RUNX2: variants seen among roughly 807,000 people sequenced by gnomAD.
The protein encoded by RUNX2 is RUNX family transcription factor 2.
In RUNX2, 10 loss-of-function variants were observed where a neutral mutation model predicts 51.7. The observed-to-expected ratio is 0.19, with a 90% CI of 0.12 to 0.33. The LOEUF is 0.33. RUNX2 is among the 10% of genes least tolerant of loss of function. The pLI is 1.00. For missense variants in RUNX2, 562 were observed against 691.3 expected (o/e 0.81, Z 2.10); for synonymous variants, 276 against 273.6 (o/e 1.01, Z -0.09).
At chr6:45,396,992 A>G (rs1173732874) in intron 2 of RUNX2, among the ~76,000 whole-genome samples, 2 of 152,132 alleles carry the variant, frequency 1.3e-5, no homozygotes, top group African/African-American at 4.8e-5. Flanking sequence ...ACTTTGTCCA[A>G]ATTTTTGTGT....
chr6:45,344,656 G>C (rs1365247475), intron 2 of RUNX2, among the ~76,000 whole-genome samples: 2 of 152,060 alleles, frequency 1.3e-5, no homozygotes, highest in Non-Finnish European at 2.9e-5. Context: ...AATGTCAAAA[G>C]CATGTTAACT....
intron 5 of RUNX2, among the ~76,000 whole-genome samples, chr6:45,445,714 TC>T (rs1798975193): frequency 6.6e-6 from 1 of 152,026 alleles, no homozygotes; most frequent in African/African-American, 2.4e-5. Flanking sequence ...TAGATATTAA[TC>T]ACTTGGCTAC....
intron 5 of RUNX2, among the ~76,000 whole-genome samples, chr6:45,470,409 T>A (rs925150014): frequency 6.6e-6 from 1 of 152,208 alleles, no homozygotes; most frequent in Admixed American, 6.5e-5. Flanking sequence ...CAGCTCTTCT[T>A]GTAGTTTGAG....
chr6:45,436,896 G>A (rs941857888), intron 4 of RUNX2, among the ~76,000 whole-genome samples: 1 of 152,184 alleles, frequency 6.6e-6, no homozygotes, highest in African/African-American at 2.4e-5. Flanking sequence ...GCTTTTTAAA[G>A]GTCTGTTACA....
intron 5 of RUNX2, among the ~76,000 whole-genome samples, chr6:45,457,748 G>A (rs1249117818): frequency 1.3e-5 from 2 of 152,154 alleles, no homozygotes; most frequent in South Asian, 2.1e-4. Flanking sequence ...ACTAGGTTGG[G>A]GAGGCTGGCC....
intron 2 of RUNX2, among the ~76,000 whole-genome samples, chr6:45,419,089 TC>T (rs779204234): frequency 3.9e-5 from 6 of 152,214 alleles, no homozygotes; most frequent in Non-Finnish European, 8.8e-5. Context: ...GGAGGAAAAG[TC>T]CCCAAGGTAA....
intron 2 of RUNX2, among the ~76,000 whole-genome samples, chr6:45,357,375 G>C (rs907931755): frequency 6.6e-6 from 1 of 152,026 alleles, no homozygotes; most frequent in Non-Finnish European, 1.5e-5. Context: ...CTGTTACCCA[G>C]GCTGGAGAAC....
At chr6:45,472,775 C>T (rs1437764080) in intron 5 of RUNX2, among the ~76,000 whole-genome samples, 3 of 152,096 alleles carry the variant, frequency 2.0e-5, no homozygotes, top group Non-Finnish European at 4.4e-5. Flanking sequence ...TCTAGAGAAA[C>T]TGTAATTTTT....
intron 2 of RUNX2, chr6:45,377,542 G>A (rs976151536): frequency 3.3e-5 from 5 of 152,064 alleles, no homozygotes; most frequent in African/African-American, 1.2e-4. Flanking sequence ...CTCCACGCTC[G>A]GCAGCGGAAC....
chr6:45,450,024 C>T (rs138364036), intron 5 of RUNX2, among the ~76,000 whole-genome samples: 152 of 152,272 alleles, frequency 1.0e-3, no homozygotes, highest in African/African-American at 3.4e-3. Context: ...ATAGATAATG[C>T]TGGTACTGTT....
intron 2 of RUNX2, among the ~76,000 whole-genome samples, chr6:45,385,492 A>G (rs1397692640): frequency 5.9e-5 from 9 of 152,204 alleles, no homozygotes; most frequent in Admixed American, 5.2e-4. Context: ...ACCCAAAAGC[A>G]TTTTCACAAA....
At chr6:45,350,863 C>T (rs183108373) in intron 2 of RUNX2, among the ~76,000 whole-genome samples, 2 of 151,056 alleles carry the variant, frequency 1.3e-5, no homozygotes, top group African/African-American at 5.0e-5. Context: ...GGGTCCCCAA[C>T]CCCCAGTTCC....
At chr6:45,542,376 TG>T (rs1394509723) in intron 7 of RUNX2, among the ~76,000 whole-genome samples, 12 of 152,238 alleles carry the variant, frequency 7.9e-5, no homozygotes, top group African/African-American at 2.9e-4. Flanking sequence ...CTGCCGCTGC[TG>T]TTACTATTTT....
chr6:45,498,870 T>A (rs1198809209), intron 6 of RUNX2, among the ~76,000 whole-genome samples: 1 of 152,214 alleles, frequency 6.6e-6, no homozygotes, highest in Non-Finnish European at 1.5e-5. Context: ...GAGTTGCATG[T>A]GTCTTAAGTT....
At chr6:45,544,630 C>T (rs957326508) in intron 7 of RUNX2, among the ~76,000 whole-genome samples, 1 of 152,316 alleles carries the variant, frequency 6.6e-6, no homozygotes, top group Admixed American at 6.5e-5. Flanking sequence ...ACACGCTGTT[C>T]ACATTATTCT....
chr6:45,450,597 A>G (rs1799139646), intron 5 of RUNX2, among the ~76,000 whole-genome samples: 1 of 152,182 alleles, frequency 6.6e-6, no homozygotes, highest in Non-Finnish European at 1.5e-5. Flanking sequence ...AGAGTAATGG[A>G]GTGGGAGGGA....
intron 5 of RUNX2, among the ~76,000 whole-genome samples, chr6:45,463,743 T>C (rs1013792502): frequency 1.3e-5 from 2 of 152,196 alleles, no homozygotes; most frequent in Non-Finnish European, 2.9e-5. Flanking sequence ...TGGGTCAGCT[T>C]TGAGACAGTA....
In RUNX2 at chr6:45,420,083, G is replaced by T. The variant is rs141745471; in HGVS notation, c.59-2510G>T. On this transcript the variant is annotated intron_variant, in intron 2 of 8. Transcript: ENST00000647337. The stretch of plus-strand genomic sequence containing the variant: ...AGCCCCAATTAGGAAGGACAGAGTA[G>T]TATCCCCTGAACTCCATCCTTACCC... Among the ~76,000 whole-genome samples, 3 of 152,216 alleles carry T rather than the reference G, an allele frequency of 2.0e-5. No homozygotes were observed. The East Asian group carries it at 5.8e-4, about 30-fold the overall frequency.
intron 2 of RUNX2, among the ~76,000 whole-genome samples, chr6:45,384,846 G>A (rs1797317164): frequency 6.7e-6 from 1 of 149,616 alleles, no homozygotes; most frequent in Admixed American, 6.8e-5. Flanking sequence ...TGCTACAGAT[G>A]CACACCACCA....
Sources: gnomAD v4.1 joint callset for allele counts (sites outside exome capture counted in the v4.1 genomes callset) on GRCh38, gnomAD v4.1.1 for gene constraint, MANE v1.5 for transcripts, NCBI Gene and HGNC (gene_info 2026-07-23, HGNC 2026-07-21) for gene names.